Variants in ZMAT4 observed in about 807,000 individuals in gnomAD.
The protein encoded by ZMAT4 is zinc finger matrin-type 4, also known as zinc finger matrin-type protein 4.
ZMAT4 carries 17 observed loss-of-function variants against 28.7 expected under a neutral mutation model. The observed-to-expected ratio is 0.59, with a 90% CI of 0.41 to 0.89. The LOEUF (loss-of-function observed/expected upper bound fraction) is 0.89, where lower values mean the gene tolerates loss of function less well. ZMAT4 is among the 40% of genes least tolerant of loss of function. The pLI is 0.00. For missense variants in ZMAT4, 240 were observed against 283.8 expected (o/e 0.85, Z 1.11); for synonymous variants, 117 against 109.2 (o/e 1.07, Z -0.44).
chr8:40,752,826 A>T (rs565391143), intron 3 of ZMAT4, among the ~76,000 whole-genome samples: 19 of 151,312 alleles, frequency 1.3e-4, no homozygotes, highest in African/African-American at 4.6e-4. Context: ...ATCTCCCATC[A>T]CTACCTGCTT....
chr8:40,725,970 T>G (rs1201632015), intron 3 of ZMAT4, among the ~76,000 whole-genome samples: 1 of 152,258 alleles, frequency 6.6e-6, no homozygotes, highest in East Asian at 1.9e-4. Flanking sequence ...CAATTTCCAT[T>G]CTGCTTTTCC....
At chr8:40,614,980 G>A (rs539772017) in intron 5 of ZMAT4, among the ~76,000 whole-genome samples, 9 of 152,216 alleles carry the variant, frequency 5.9e-5, no homozygotes, top group East Asian at 5.8e-4. Context: ...GATGTTAGAC[G>A]GTTATTTTGC....
intron 1 of ZMAT4, among the ~76,000 whole-genome samples, chr8:40,880,077 C>A (rs1483979127): frequency 2.6e-5 from 4 of 152,090 alleles, no homozygotes; most frequent in Non-Finnish European, 4.4e-5. Flanking sequence ...TCAAAAGGTG[C>A]AGAAATCCGG....
chr8:40,831,347 G>A (rs752043099), intron 1 of ZMAT4, among the ~76,000 whole-genome samples: 8 of 152,146 alleles, frequency 5.3e-5, no homozygotes, highest in Admixed American at 1.3e-4. Context: ...TTACCCTCTC[G>A]TCCTCCCACA....
chr8:40,581,167 G>T lies in ZMAT4; in HGVS notation c.672C>A (p.Thr224=). 1 of 1,612,030 alleles carries T rather than the reference G, an allele frequency of 6.2e-7. No individual in the cohort carries two copies. The part of the protein sequence containing the change: ...HAHLKGSKHQ[T]NLKNK Reference sequence around the variant, plus strand: ...AGTGAAAGCACAAAAGTACCTACTTGGTCTGGTGTTTAGATCCTTTCAGAT... The same window carrying T: ...AGTGAAAGCACAAAAGTACCTACTTTGTCTGGTGTTTAGATCCTTTCAGAT... The change falls in exon 6 of 7, where the codon ACC becomes ACA. Residue 224 remains threonine (T), a splice_region_variant and synonymous_variant. Coordinates refer to ENST00000297737, the MANE Select transcript of ZMAT4 (RefSeq NM_024645.3).
chr8:40,722,166 T>C (rs1267726359), intron 3 of ZMAT4, among the ~76,000 whole-genome samples: 2 of 151,750 alleles, frequency 1.3e-5, no homozygotes, highest in Non-Finnish European at 2.9e-5. Context: ...AAGCCAAAAT[T>C]GACAAATGGG....
chr8:40,740,992 GCA>G (rs5891118), intron 3 of ZMAT4, among the ~76,000 whole-genome samples: 69,275 of 148,286 alleles, frequency 0.47, 16,435 homozygotes, highest in Middle Eastern at 0.59. Context: ...TGATAAATGC[GCA>G]CACACACACA....
At chr8:40,713,597 A>G (rs1443617620) in intron 3 of ZMAT4, among the ~76,000 whole-genome samples, 1 of 152,166 alleles carries the variant, frequency 6.6e-6, no homozygotes, top group Admixed American at 6.6e-5. Flanking sequence ...ACATAAACTA[A>G]AAATGGATAA....
At chr8:40,890,103 T>C (rs915747818) in intron 1 of ZMAT4, among the ~76,000 whole-genome samples, 6 of 152,256 alleles carry the variant, frequency 3.9e-5, no homozygotes, top group Non-Finnish European at 7.3e-5. Flanking sequence ...CTTTTACATA[T>C]TTTTCTTACT....
chr8:40,655,307 C>T (rs548755925), intron 5 of ZMAT4, among the ~76,000 whole-genome samples: 1 of 151,638 alleles, frequency 6.6e-6, no homozygotes, highest in African/African-American at 2.4e-5. Context: ...TGAAAGAAAA[C>T]CTAAATAAAT....
chr8:40,869,115 T>A (rs956381155), intron 1 of ZMAT4, among the ~76,000 whole-genome samples: 1 of 152,314 alleles, frequency 6.6e-6, no homozygotes, highest in African/African-American at 2.4e-5. Context: ...TTCTCTTCTA[T>A]TCACTTATGT....
At chr8:40,879,383 A>G (rs1035747675) in intron 1 of ZMAT4, among the ~76,000 whole-genome samples, 2 of 152,210 alleles carry the variant, frequency 1.3e-5, no homozygotes, top group Middle Eastern at 3.2e-3. Context: ...TGATCACACC[A>G]CTGCACTCCA....
In ZMAT4 at chr8:40,739,303, C is replaced by T. The variant is rs551271983; in HGVS notation, c.192+28338G>A. 8.5e-5 allele frequency among the ~76,000 whole-genome samples: 13 copies of T among 152,306 alleles called. No homozygotes were observed. The South Asian group carries it at 2.5e-3, about 29-fold the overall frequency. On this transcript the variant is annotated intron_variant, in intron 3 of 6. Coordinates refer to ENST00000297737, the MANE Select transcript of ZMAT4 (RefSeq NM_024645.3). ...GGAGCAAATTAGACCCTTCTCGTAA[C>T]TTTAACGCTGTTTCCAGCTCAGGGA...
intron 5 of ZMAT4, among the ~76,000 whole-genome samples, chr8:40,595,099 C>T (rs189932942): frequency 5.1e-4 from 77 of 152,270 alleles, no homozygotes; most frequent in Non-Finnish European, 9.0e-4. Flanking sequence ...TATTGAAAAT[C>T]GTGTAATTGC....
At chr8:40,643,199 C>T (rs567064307) in intron 5 of ZMAT4, among the ~76,000 whole-genome samples, 2 of 152,194 alleles carry the variant, frequency 1.3e-5, no homozygotes, top group South Asian at 2.1e-4. Context: ...CCCAAGCAGT[C>T]GAGAAGCTTT....
intron 1 of ZMAT4, among the ~76,000 whole-genome samples, chr8:40,857,188 G>C (rs1288322772): frequency 6.6e-6 from 1 of 151,874 alleles, no homozygotes; most frequent in Non-Finnish European, 1.5e-5. Flanking sequence ...TATAAGACTG[G>C]GTTACAACTG....
At chr8:40,753,437 T>C (rs944516636) in intron 3 of ZMAT4, among the ~76,000 whole-genome samples, 1 of 152,224 alleles carries the variant, frequency 6.6e-6, no homozygotes. Flanking sequence ...AGGAAAGCCC[T>C]TCTCTGATTC....
At position 40,531,218 on chromosome 8, in the gene ZMAT4, G is replaced by A. The variant is rs567522155; in HGVS notation, c.*1005C>T. 1 of 152,152 alleles carries A rather than the reference G, an allele frequency of 6.6e-6. No homozygotes were observed. The highest frequency in any genetic ancestry group is 6.5e-5 in the Admixed American group (1 of 15,280). The allele number at this position is 152,152 out of a possible 1,614,324, so 9.4% of individuals were successfully genotyped here. ...TCAGAAAGGAACTGTTTTCTTTATC[G>A]GTCATGCTCTTTCCAGAGTGACTGA... is the stretch of plus-strand genomic sequence containing the variant. On this transcript the variant is annotated 3_prime_UTR_variant, in exon 7 of 7. Coordinates refer to ENST00000297737, the MANE Select transcript of ZMAT4 (RefSeq NM_024645.3).
In ZMAT4 at chr8:40,555,534, T is replaced by C. The variant is rs184640634; in HGVS notation, c.675-23296A>G. Among the ~76,000 whole-genome samples, 325 of 152,288 alleles carry C rather than the reference T, an allele frequency of 2.1e-3. 2 individuals carry two copies. The highest frequency in any genetic ancestry group is 7.4e-3 in the African/African-American group (307 of 41,566). On this transcript the variant is annotated intron_variant, in intron 6 of 6. Coordinates refer to ENST00000297737, the MANE Select transcript of ZMAT4 (RefSeq NM_024645.3). ...ATGATCTTCAATTCTCATAGTCCCATGAAACAGGAAGTGGAATTCCCATTT... is the reference window on the plus strand; with the variant it reads ...ATGATCTTCAATTCTCATAGTCCCACGAAACAGGAAGTGGAATTCCCATTT...
Sources: allele counts gnomAD v4.1 joint callset (sites outside exome capture counted in the v4.1 genomes callset), GRCh38; gene constraint gnomAD v4.1.1; transcripts MANE v1.5; gene names NCBI Gene and HGNC (gene_info 2026-07-23, HGNC 2026-07-21).